Variants in SMC6 observed in about 807,000 individuals in gnomAD.
SMC6 encodes structural maintenance of chromosomes protein 6.
In SMC6, 79 loss-of-function variants were observed where a neutral mutation model predicts 142.2. That is an observed-to-expected ratio of 0.56 (90% CI 0.46 to 0.67). The LOEUF is 0.67. Ranked by LOEUF, SMC6 falls within the 30% of genes least tolerant of loss-of-function variation. The pLI, the probability that SMC6 is intolerant of heterozygous loss-of-function variation, is 0.00. For synonymous variants in SMC6, 411 were observed against 412.4 expected (o/e 1.00, Z 0.04); for missense variants, 1,072 against 1,284.0 (o/e 0.83, Z 2.52).
At chr2:17,706,113 A>G (rs1313944830) in intron 18 of SMC6, among the ~76,000 whole-genome samples, 1 of 152,178 alleles carries the variant, frequency 6.6e-6, no homozygotes, top group Admixed American at 6.5e-5. Context: ...TTAGATACCC[A>G]TTAAGTATTT....
chr2:17,727,027 G>T (rs1208449521), intron 7 of SMC6, among the ~76,000 whole-genome samples: 1 of 152,194 alleles, frequency 6.6e-6, no homozygotes, highest in Non-Finnish European at 1.5e-5. Context: ...ATTCCTTCAT[G>T]AGGATATTGT....
In SMC6 at chr2:17,731,779, A is replaced by G; in HGVS notation, c.443T>C (p.Ile148Thr). Reference protein sequence around the residue: ...NSILIQQHISIDGSRSYKLKS... With the variant: ...NSILIQQHISTDGSRSYKLKS... The stretch of plus-strand genomic sequence containing the variant: ...AAGTTTATAAGATCGACTTCCATCT[A>G]TGCTGATGTGTTGCTGTATAAGTAT... The change falls in exon 6 of 28, where the codon ATA becomes ACA. Residue 148 changes from isoleucine to threonine, a missense_variant. Ile to Thr is a moderately conservative substitution (Grantham distance 89). This residue lies in a region of SMC6 where 994 missense variants were observed against 1,153.2 expected (regional missense o/e 0.86). Transcript: ENST00000448223. The G allele has an allele frequency of 1.2e-6, 2 of 1,613,864 alleles. No individual in the cohort carries two copies. Among genetic ancestry groups the G allele is most frequent in the Non-Finnish European group, 1.7e-6 (2 of 1,179,856 alleles).
At chr2:17,715,208 T>C in intron 15 of SMC6, 143 bp from the exon 16 acceptor site, 1 of 770,518 alleles carries the variant, frequency 1.3e-6, no homozygotes, top group Admixed American at 2.9e-5. Context: ...TTAATCATAG[T>C]TTATAAATGA....
chr2:17,696,383 C>A lies in SMC6; in HGVS notation c.2438G>T (p.Arg813Leu), dbSNP rs376302946. The part of the protein sequence containing the change: ...LADSEVDNQK[R>L]GKRHYEEKQK... ...TTTTTCTTCATAATGTCGTTTCCCT[C>A]GTTTTTGGTTATCCACTTCAGAATC... Residue 813 changes from arginine to leucine, a missense_variant, in exon 22 of 28, where the codon CGA becomes CTA. Arg to Leu is a moderately radical substitution (Grantham distance 102). Coordinates refer to ENST00000448223, the MANE Select transcript of SMC6 (RefSeq NM_001142286.2). The A allele has an allele frequency of 6.2e-7, 1 of 1,611,208 alleles. No individual in the cohort carries two copies. Among genetic ancestry groups the A allele is most frequent in the Non-Finnish European group, 8.5e-7 (1 of 1,179,410 alleles).
chr2:17,728,911 C>T (rs1382021404), intron 7 of SMC6, among the ~76,000 whole-genome samples: 1 of 151,982 alleles, frequency 6.6e-6, no homozygotes, highest in Non-Finnish European at 1.5e-5. Context: ...ACCATGCCTG[C>T]CTAATTTTTG....
At chr2:17,699,790 G>A (rs190386374) in intron 21 of SMC6, among the ~76,000 whole-genome samples, 59 of 152,240 alleles carry the variant, frequency 3.9e-4, no homozygotes, top group African/African-American at 1.3e-3. Flanking sequence ...ACATAACTGA[G>A]ATAGCTGACA....
At chr2:17,712,251 T>C (rs551561097) in intron 16 of SMC6, among the ~76,000 whole-genome samples, 6 of 152,310 alleles carry the variant, frequency 3.9e-5, no homozygotes, top group African/African-American at 1.4e-4. Flanking sequence ...CAGTCTCCCC[T>C]AGGAGAGGTG....
chr2:17,684,266 G>A (rs1667351783), intron 23 of SMC6, among the ~76,000 whole-genome samples: 1 of 152,148 alleles, frequency 6.6e-6, no homozygotes, highest in Non-Finnish European at 1.5e-5. Context: ...TATTACTGTG[G>A]CAAGCCTATA....
chr2:17,715,267 G>A lies in SMC6; in HGVS notation c.1526-202C>T, dbSNP rs79896097. On this transcript the variant is annotated intron_variant, in intron 15 of 27. Coordinates refer to ENST00000448223, the MANE Select transcript of SMC6 (RefSeq NM_001142286.2). ...AGTTTAAATAATATTTTAACTGAATGGGAAATCCCCTATACCCATAGGATA... is the reference window on the plus strand; with the variant it reads ...AGTTTAAATAATATTTTAACTGAATAGGAAATCCCCTATACCCATAGGATA... 5.4e-3 allele frequency among the ~76,000 whole-genome samples: 815 copies of A among 152,110 alleles called. 13 individuals carry two copies. The highest frequency in any genetic ancestry group is 0.019 in the African/African-American group (769 of 41,494).
In SMC6 at chr2:17,709,855, T is replaced by A. The variant is rs78810276; in HGVS notation, c.1731-1102A>T. 2.2e-3 allele frequency among the ~76,000 whole-genome samples: 328 copies of A among 152,174 alleles called. 1 individual carries two copies. The highest frequency in any genetic ancestry group is 7.7e-3 in the African/African-American group (319 of 41,518). On this transcript the variant is annotated intron_variant, in intron 16 of 27. Transcript: ENST00000448223. ...CACATAAGTAACCTTAGAAGACCAT[T>A]TCAGACAGAGGGAAGAGCAATCGCA...
chr2:17,733,329 T>C (rs1669997733), intron 5 of SMC6, among the ~76,000 whole-genome samples: 1 of 152,226 alleles, frequency 6.6e-6, no homozygotes, highest in Admixed American at 6.5e-5. Flanking sequence ...TAATTTTCCA[T>C]CCCATCCTCT....
intron 8 of SMC6, 27 bp from the exon 9 acceptor site, chr2:17,725,385 A>C: frequency 1.3e-6 from 2 of 1,506,536 alleles, no homozygotes. Flanking sequence ...AAAAAAACGC[A>C]ATTAGGAGTT....
intron 16 of SMC6, among the ~76,000 whole-genome samples, chr2:17,711,982 A>T (rs1338696426): frequency 1.3e-5 from 2 of 152,198 alleles, no homozygotes; most frequent in Admixed American, 1.3e-4. Context: ...GTTATAACAG[A>T]CTATGAAGAG....
At chr2:17,687,497 G>C (rs1667510922) in intron 23 of SMC6, among the ~76,000 whole-genome samples, 1 of 150,772 alleles carries the variant, frequency 6.6e-6, no homozygotes, top group African/African-American at 2.4e-5. Context: ...AATGACAAAA[G>C]CAAGATGGTT....
chr2:17,710,324 G>A (rs1668765592), intron 16 of SMC6, among the ~76,000 whole-genome samples: 1 of 152,176 alleles, frequency 6.6e-6, no homozygotes, highest in South Asian at 2.1e-4. Flanking sequence ...GCAGGTTTTG[G>A]GGTGGAAATC....
At chr2:17,690,696 A>C (rs1182301925) in intron 23 of SMC6, among the ~76,000 whole-genome samples, 1 of 152,148 alleles carries the variant, frequency 6.6e-6, no homozygotes, top group Non-Finnish European at 1.5e-5. Context: ...TACCGAATAG[A>C]CAAAAAAGTA....
In SMC6 at chr2:17,715,073, T is replaced by G. The variant is rs774566255; in HGVS notation, c.1526-8A>C. ...GAAGATGAATGCAAGCTCCTAAAAG[T>G]GAGAGAAAATTACAGAAGGGCTCAT... On this transcript the variant is annotated splice_polypyrimidine_tract_variant and splice_region_variant and intron_variant, in intron 15 of 27. Coordinates refer to ENST00000448223, the MANE Select transcript of SMC6 (RefSeq NM_001142286.2). The G allele has an allele frequency of 6.2e-7, 1 of 1,609,470 alleles. No homozygotes were observed. The highest frequency in any genetic ancestry group is 8.5e-7 in the Non-Finnish European group (1 of 1,179,032).
intron 9 of SMC6, 22 bp downstream of exon 9, chr2:17,725,234 AT>A: frequency 6.4e-7 from 1 of 1,555,876 alleles, no homozygotes. Flanking sequence ...TCTCAAAAAG[AT>A]TTACATTAAC....
intron 25 of SMC6, among the ~76,000 whole-genome samples, chr2:17,677,447 G>A (rs2710658): frequency 0.35 from 53,352 of 151,862 alleles, 10,193 homozygotes; most frequent in African/African-American, 0.47. Flanking sequence ...ACTCTGTCTT[G>A]TCAGCCCTCC....
Sources: gnomAD v4.1 joint callset for allele counts (sites outside exome capture counted in the v4.1 genomes callset) on GRCh38, gnomAD v4.1.1 for gene constraint, gnomAD v4.1.1 regional missense constraint, MANE v1.5 for transcripts, NCBI Gene and HGNC (gene_info 2026-07-23, HGNC 2026-07-21) for gene names.